Variants in CCM2 observed in about 807,000 individuals in gnomAD.
CCM2 encodes cerebral cavernous malformations 2 protein.
CCM2 carries 25 observed loss-of-function variants against 44.9 expected under a neutral mutation model. The observed-to-expected ratio is 0.56, with a 90% CI of 0.41 to 0.78. The LOEUF (loss-of-function observed/expected upper bound fraction) is 0.78. Among genes scored for constraint, CCM2 ranks in the 30% least tolerant of loss-of-function variants. CCM2 has a pLI of 0.00. For missense variants in CCM2, 481 were observed against 580.6 expected, an observed-to-expected ratio of 0.83 and a Z score of 1.76; for synonymous variants, 219 against 241.1, an observed-to-expected ratio of 0.91 and a Z score of 0.85.
chr7:45,035,792 T>C (rs1797188092), intron 1 of CCM2, among the ~76,000 whole-genome samples: 1 of 152,068 alleles, frequency 6.6e-6, no homozygotes, highest in Non-Finnish European at 1.5e-5. Context: ...GTGGTAGTGA[T>C]GAGTAGGAGA....
At chr7:45,068,709 G>A in intron 5 of CCM2, 130 bp downstream of exon 5, 1 of 1,146,890 alleles carries the variant, frequency 8.7e-7, no homozygotes, top group Non-Finnish European at 1.3e-6. Flanking sequence ...CTCTGCCATT[G>A]CCTGTCCCTG....
chr7:45,043,280 T>C (rs984539332), intron 2 of CCM2, among the ~76,000 whole-genome samples: 2 of 152,158 alleles, frequency 1.3e-5, no homozygotes, highest in Non-Finnish European at 2.9e-5. Context: ...ATTTTCTGAC[T>C]CATTTTGTAA....
At chr7:45,037,916 G>A (rs908707253) in intron 1 of CCM2, among the ~76,000 whole-genome samples, 4 of 152,234 alleles carry the variant, frequency 2.6e-5, no homozygotes. Context: ...TTGGAGTGAT[G>A]TTATGTTTTA....
chr7:45,073,367 AC>A, intron 7 of CCM2, 92 bp from the exon 8 acceptor site: 2 of 787,602 alleles, frequency 2.5e-6, no homozygotes, highest in Non-Finnish European at 2.2e-6. Context: ...AAGGACAGGG[AC>A]CCACACACAC....
intron 2 of CCM2, among the ~76,000 whole-genome samples, chr7:45,045,197 A>AGAGCAG (rs1797693976): frequency 6.6e-6 from 1 of 152,088 alleles, no homozygotes; most frequent in South Asian, 2.1e-4. Flanking sequence ...TGATAGAGCA[A>AGAGCAG]TTTCTTTAGA....
intron 1 of CCM2, among the ~76,000 whole-genome samples, chr7:45,013,174 C>T (rs1415963749): frequency 1.3e-5 from 2 of 151,942 alleles, no homozygotes; most frequent in Non-Finnish European, 2.9e-5. Context: ...CACAGATTAC[C>T]ATCCATTAAT....
At chr7:45,019,047 A>G (rs1396724560) in intron 1 of CCM2, among the ~76,000 whole-genome samples, 1 of 144,676 alleles carries the variant, frequency 6.9e-6, no homozygotes, top group East Asian at 2.0e-4. Context: ...GGCGTGAGCC[A>G]CTGCGCCTGG....
At chr7:45,020,211 T>C (rs1050444038) in intron 1 of CCM2, among the ~76,000 whole-genome samples, 5 of 152,224 alleles carry the variant, frequency 3.3e-5, no homozygotes, top group African/African-American at 1.2e-4. Flanking sequence ...AAGGGTCATA[T>C]AAATTCCAAG....
chr7:45,037,637 C>T lies in CCM2; in HGVS notation c.31-616C>T, dbSNP rs1294971. Among the ~76,000 whole-genome samples the T allele has an allele frequency of 5.3e-5, 8 of 151,998 alleles. No homozygotes were observed. The East Asian group carries it at 9.7e-4, about 18-fold the overall frequency. ...TTCACCATGTTGGCCAGGCTGGTCT[C>T]GAACTCCTGACCTTAAGTGATGTAC... On this transcript the variant is annotated intron_variant, in intron 1 of 9. Coordinates refer to ENST00000258781, the MANE Select transcript of CCM2 (RefSeq NM_031443.4).
intron 4 of CCM2, among the ~76,000 whole-genome samples, chr7:45,066,260 G>A (rs1473306096): frequency 1.3e-5 from 2 of 152,126 alleles, no homozygotes; most frequent in Non-Finnish European, 2.9e-5. Context: ...GAGCAGTTGT[G>A]TGTCCCCTGT....
At chr7:45,019,775 A>G (rs139542735) in intron 1 of CCM2, among the ~76,000 whole-genome samples, 2 of 152,176 alleles carry the variant, frequency 1.3e-5, no homozygotes, top group Non-Finnish European at 1.5e-5. Flanking sequence ...GGGTCTCACT[A>G]TGTTGCCCAG....
intron 2 of CCM2, among the ~76,000 whole-genome samples, chr7:45,061,535 A>G (rs968249118): frequency 2.1e-5 from 3 of 144,294 alleles, no homozygotes; most frequent in Non-Finnish European, 4.5e-5. Context: ...TGGCACCATC[A>G]TGACTCACTG....
At chr7:45,035,264 A>C (rs867785369) in intron 1 of CCM2, among the ~76,000 whole-genome samples, 2 of 152,254 alleles carry the variant, frequency 1.3e-5, no homozygotes, top group Non-Finnish European at 2.9e-5. Flanking sequence ...GAAGCAGAAA[A>C]TATATTCATC....
chr7:45,000,455 G>GGGGT (rs1795551158), intron 1 of CCM2, 92 bp downstream of exon 1: 1 of 212,752 alleles, frequency 4.7e-6, no homozygotes, highest in Non-Finnish European at 6.8e-6. Flanking sequence ...CTTGGGGCCC[G>GGGGT]GGGGGGGGGG....
rs200969851 is a variant in CCM2, at chr7:45,076,072, G to C, written c.*15G>C. 463 of 1,612,798 alleles carry C rather than the reference G, an allele frequency of 2.9e-4. 3 individuals are homozygous for C. The African/African-American group carries it at 5.7e-3, about 20-fold the overall frequency. On this transcript the variant is annotated 3_prime_UTR_variant, in exon 10 of 10. Transcript: ENST00000258781. ...ACTCAGCATGATGGACAGTGGATGG[G>C]GGGGCACCCACACCTTCCGCGCAGT...
At chr7:45,026,136 C>G (rs1285929901) in intron 1 of CCM2, among the ~76,000 whole-genome samples, 2 of 152,204 alleles carry the variant, frequency 1.3e-5, no homozygotes, top group Non-Finnish European at 2.9e-5. Flanking sequence ...CTTTCTGTAT[C>G]TCCCTCCTGG....
At chr7:45,004,734 G>A (rs1393261898) in intron 1 of CCM2, among the ~76,000 whole-genome samples, 2 of 151,958 alleles carry the variant, frequency 1.3e-5, no homozygotes, top group Admixed American at 1.3e-4. Context: ...TTGGCCAGGT[G>A]CGGTGGCTCA....
intron 1 of CCM2, among the ~76,000 whole-genome samples, chr7:45,033,893 A>AT (rs1385396612): frequency 6.6e-6 from 1 of 152,102 alleles, no homozygotes; most frequent in Non-Finnish European, 1.5e-5. Flanking sequence ...GAGAAACATG[A>AT]TTTTTTGCAT....
At chr7:45,014,361 G>A (rs1796178293) in intron 1 of CCM2, among the ~76,000 whole-genome samples, 1 of 152,038 alleles carries the variant, frequency 6.6e-6, no homozygotes, top group East Asian at 1.9e-4. Flanking sequence ...GGCTGGTCTC[G>A]AACTCCTGAC....
Sources: gnomAD v4.1 joint callset for allele counts (sites outside exome capture counted in the v4.1 genomes callset) on GRCh38, gnomAD v4.1.1 for gene constraint, MANE v1.5 for transcripts, NCBI Gene and HGNC (gene_info 2026-07-23, HGNC 2026-07-21) for gene names.